The following FRMD5 variants were observed in gnomAD, a reference collection of about 807,000 sequenced individuals.
FRMD5 encodes FERM domain containing 5, also known as FERM domain-containing protein 5.
Under a neutral mutation model 69.0 loss-of-function variants are expected in FRMD5, and 20 were observed. The ratio of observed to expected loss-of-function variants is 0.29; its 90% CI spans 0.20 to 0.42. The LOEUF is 0.42. Ranked by LOEUF, FRMD5 falls within the 10% of genes least tolerant of loss-of-function variation. FRMD5 has a pLI of 1.00. For missense variants in FRMD5, 595 were observed against 708.6 expected (o/e 0.84, Z 1.82); for synonymous variants, 271 against 260.1 (o/e 1.04, Z -0.40).
At chr15:44,016,435 C>T (rs1890959728) in intron 1 of FRMD5, among the ~76,000 whole-genome samples, 1 of 152,078 alleles carries the variant, frequency 6.6e-6, no homozygotes. Context: ...CAAATGAAGA[C>T]TTGGAGGTTG....
chr15:43,934,007 G>A (rs1477716121), intron 1 of FRMD5, among the ~76,000 whole-genome samples: 1 of 152,194 alleles, frequency 6.6e-6, no homozygotes, highest in Non-Finnish European at 1.5e-5. Flanking sequence ...AGGCGGGGCT[G>A]GAAGGTGCCC....
At chr15:43,917,809 C>G (rs561974934) in intron 4 of FRMD5, 1 of 152,384 alleles carries the variant, frequency 6.6e-6, no homozygotes, top group Non-Finnish European at 1.5e-5. Context: ...CATAGATGAG[C>G]AGAGCCTGGG....
At chr15:43,916,922 G>T (rs973211310) in intron 4 of FRMD5, among the ~76,000 whole-genome samples, 2 of 151,792 alleles carry the variant, frequency 1.3e-5, no homozygotes, top group Non-Finnish European at 2.9e-5. Flanking sequence ...GGGATTAAAG[G>T]TGTGCACCAC....
chr15:44,019,737 C>CAAAAAAAAAAAAAAAAAAAAAAAATT (rs1189890743), intron 1 of FRMD5, among the ~76,000 whole-genome samples: 1 of 23,518 alleles, frequency 4.3e-5, no homozygotes, highest in Non-Finnish European at 9.4e-5. Context: ...GAGTCTGTCT[C>CAAAAAAAAAAAAAAAAAAAAAAAATT]AAAAAAAAAA....
rs1451402172 is a variant in FRMD5, at chr15:43,962,825, G to A, written c.103-38516C>T. Among the ~76,000 whole-genome samples, 22 of 152,222 alleles carry A rather than the reference G, an allele frequency of 1.4e-4. No homozygotes were observed. In the South Asian group the frequency reaches 1.5e-3, roughly 10 times the overall value. On this transcript the variant is annotated intron_variant, in intron 1 of 13. Coordinates refer to ENST00000417257, the MANE Select transcript of FRMD5 (RefSeq NM_032892.5). ...TGGGGAAAGGATTCCCTATTTAATA[G>A]ATGGTGGTGGGAAAACTGGCTAGCC...
chr15:43,874,264 A>G lies in FRMD5; in HGVS notation c.1334T>C (p.Leu445Pro), dbSNP rs779277557. ...GGTGGCTCCATTGATCTGCCGGGAA[A>G]GCAACATCAGCTCCAGGCTGTGCTC... ...VAEHSLELML[L>P]SRQINGATCS... The change falls in exon 14 of 14, where the codon CTT (leucine) becomes CCT (proline). Residue 445 changes from leucine (L) to proline (P), a missense_variant. By Grantham distance (98) the Leu-to-Pro change is moderately conservative (BLOSUM62 -3). This residue lies in a region of FRMD5 where 245 missense variants were observed against 227.1 expected (regional missense o/e 1.08). Transcript: ENST00000417257. 11 of 1,614,086 alleles carry G rather than the reference A, an allele frequency of 6.8e-6. No individual in the cohort carries two copies. In the Admixed American group the frequency reaches 1.0e-4, roughly 15 times the overall value.
At chr15:43,996,846 TC>T (rs1889954731) in intron 1 of FRMD5, among the ~76,000 whole-genome samples, 1 of 150,300 alleles carries the variant, frequency 6.7e-6, no homozygotes, top group South Asian at 2.1e-4. Context: ...GCAGAAACCA[TC>T]TTTTAACGAG....
intron 1 of FRMD5, among the ~76,000 whole-genome samples, chr15:44,051,494 T>C (rs1365273160): frequency 6.6e-6 from 1 of 151,838 alleles, no homozygotes; most frequent in Non-Finnish European, 1.5e-5. Flanking sequence ...TCTGATACCA[T>C]TTCCTTTCCT....
chr15:44,121,559 C>T (rs1167398471), intron 1 of FRMD5, among the ~76,000 whole-genome samples: 1 of 152,014 alleles, frequency 6.6e-6, no homozygotes, highest in African/African-American at 2.4e-5. Context: ...CACCAAATCT[C>T]TCAAGCTCGA....
intron 1 of FRMD5, among the ~76,000 whole-genome samples, chr15:44,191,661 C>G (rs2078195528): frequency 6.6e-6 from 1 of 151,566 alleles, no homozygotes; most frequent in African/African-American, 2.4e-5. Context: ...GTAGTCCCAA[C>G]TACTTGGGAG....
At chr15:44,178,927 G>T (rs1368124428) in intron 1 of FRMD5, among the ~76,000 whole-genome samples, 1 of 152,038 alleles carries the variant, frequency 6.6e-6, no homozygotes, top group Non-Finnish European at 1.5e-5. Flanking sequence ...AGAAGGCAGA[G>T]GTTGCAGTGA....
At chr15:43,876,877 G>A (rs557493227) in intron 13 of FRMD5, among the ~76,000 whole-genome samples, 4 of 152,170 alleles carry the variant, frequency 2.6e-5, no homozygotes, top group Non-Finnish European at 5.9e-5. Flanking sequence ...TCTTGTTGCG[G>A]GGGTGGATTT....
chr15:43,892,715 CATT>C (rs2088820628), intron 7 of FRMD5, among the ~76,000 whole-genome samples: 1 of 152,208 alleles, frequency 6.6e-6, no homozygotes, highest in African/African-American at 2.4e-5. Flanking sequence ...ACCTTGAAAA[CATT>C]ATGCCAAGTG....
intron 1 of FRMD5, among the ~76,000 whole-genome samples, chr15:44,063,301 G>C (rs1464991578): frequency 6.6e-6 from 1 of 152,106 alleles, no homozygotes; most frequent in Non-Finnish European, 1.5e-5. Context: ...AGCTTTGGTT[G>C]TTTATGTCTC....
chr15:43,877,305 T>C (rs1326249895), intron 13 of FRMD5, among the ~76,000 whole-genome samples: 1 of 152,214 alleles, frequency 6.6e-6, no homozygotes, highest in Non-Finnish European at 1.5e-5. Context: ...AGTTTTTTGG[T>C]TCAGGGCTAG....
intron 1 of FRMD5, among the ~76,000 whole-genome samples, chr15:43,978,345 C>T (rs2090496629): frequency 6.6e-6 from 1 of 152,152 alleles, no homozygotes; most frequent in Non-Finnish European, 1.5e-5. Context: ...CAAGTGTTGG[C>T]AAGCATTTGT....
intron 1 of FRMD5, among the ~76,000 whole-genome samples, chr15:44,133,211 T>C (rs534847663): frequency 7.1e-6 from 1 of 141,168 alleles, no homozygotes; most frequent in East Asian, 2.0e-4. Context: ...AGACTCCGTC[T>C]CAAAAAAAAA....
chr15:44,037,469 C>CTT (rs777164587), intron 1 of FRMD5, among the ~76,000 whole-genome samples: 21 of 137,548 alleles, frequency 1.5e-4, no homozygotes, highest in East Asian at 6.3e-4. Context: ...TGTCTTTTCT[C>CTT]TTTTTTTTTT....
intron 1 of FRMD5, among the ~76,000 whole-genome samples, chr15:44,191,179 A>G (rs1414261104): frequency 1.3e-5 from 2 of 152,192 alleles, no homozygotes; most frequent in Non-Finnish European, 2.9e-5. Context: ...ATCACAAAAA[A>G]CTGATTAACA....
Sources: gnomAD v4.1 joint callset for allele counts (sites outside exome capture counted in the v4.1 genomes callset) on GRCh38, gnomAD v4.1.1 for gene constraint, gnomAD v4.1.1 regional missense constraint, MANE v1.5 for transcripts, NCBI Gene and HGNC (gene_info 2026-07-23, HGNC 2026-07-21) for gene names.